EPHA3: variants seen among roughly 807,000 people sequenced by gnomAD.
EPHA3 encodes the protein ephrin type-A receptor 3.
A neutral mutation model predicts 107.1 loss-of-function variants in EPHA3; 42 were observed. The observed-to-expected ratio is 0.39, with a 90% CI of 0.31 to 0.51. The LOEUF is 0.51. EPHA3 is among the 20% of genes least tolerant of loss of function. The pLI is 0.78. For missense variants in EPHA3, 1,183 were observed against 1,211.2 expected, an observed-to-expected ratio of 0.98 and a Z score of 0.35; for synonymous variants, 461 against 424.8, an observed-to-expected ratio of 1.09 and a Z score of -1.05.
In EPHA3 at chr3:89,481,181, AAC is replaced by A. The variant is rs1393994509; in HGVS notation, c.*1683_*1684del. 2 of 232,204 alleles carry A rather than the reference AAC, an allele frequency of 8.6e-6. No homozygotes were observed. The highest frequency in any genetic ancestry group is 4.4e-5 in the African/African-American group (2 of 45,320). The allele number at this position is 232,204 out of a possible 1,614,324, so 14.4% of individuals were successfully genotyped here. A position where few individuals can be genotyped will look rare whatever the true frequency, so the allele number is the denominator to read the frequency against. ...CTTATGCAAAATGGAACGCTAATGA[AAC>A]ACAGCTTACAATCGCAAATCAAAAC... On this transcript the variant is annotated 3_prime_UTR_variant, in exon 17 of 17. Coordinates refer to ENST00000336596, the MANE Select transcript of EPHA3 (RefSeq NM_005233.6).
At chr3:89,121,585 C>G (rs13084503) in intron 1 of EPHA3, among the ~76,000 whole-genome samples, 1 of 151,834 alleles carries the variant, frequency 6.6e-6, no homozygotes, top group African/African-American at 2.4e-5. Context: ...AGTGAAACCC[C>G]GTCTCTACTA....
chr3:89,162,196 A>G (rs1225510528), intron 2 of EPHA3, among the ~76,000 whole-genome samples: 1 of 152,000 alleles, frequency 6.6e-6, no homozygotes, highest in Non-Finnish European at 1.5e-5. Flanking sequence ...TGGGGATAAC[A>G]TGTAGAAAGT....
intron 5 of EPHA3, among the ~76,000 whole-genome samples, chr3:89,344,290 TA>T (rs1415829744): frequency 6.6e-6 from 1 of 152,072 alleles, no homozygotes; most frequent in Admixed American, 6.6e-5. Flanking sequence ...GCCAAGACAT[TA>T]AAAAATAAAT....
chr3:89,248,695 C>T (rs1282309987), intron 3 of EPHA3, among the ~76,000 whole-genome samples: 1 of 152,184 alleles, frequency 6.6e-6, no homozygotes, highest in Non-Finnish European at 1.5e-5. Context: ...GCAGCTTCAT[C>T]ATTGGTGACT....
intron 2 of EPHA3, among the ~76,000 whole-genome samples, chr3:89,153,636 C>T (rs2107050535): frequency 6.6e-6 from 1 of 152,144 alleles, no homozygotes; most frequent in Non-Finnish European, 1.5e-5. Flanking sequence ...ATTTCTTACC[C>T]ACCAGCAATG....
At chr3:89,192,509 A>G (rs1321099605) in intron 2 of EPHA3, among the ~76,000 whole-genome samples, 1 of 152,078 alleles carries the variant, frequency 6.6e-6, no homozygotes, top group Non-Finnish European at 1.5e-5. Context: ...ATATTCATAT[A>G]TGTATACACA....
intron 5 of EPHA3, among the ~76,000 whole-genome samples, chr3:89,382,615 C>G (rs115120327): frequency 0.016 from 2,421 of 151,852 alleles, 65 homozygotes; most frequent in African/African-American, 0.055. Context: ...TGGATGGGAG[C>G]ATTTATTGTG....
chr3:89,250,508 T>C (rs1343496359), intron 3 of EPHA3, among the ~76,000 whole-genome samples: 1 of 152,198 alleles, frequency 6.6e-6, no homozygotes, highest in Non-Finnish European at 1.5e-5. Flanking sequence ...TGTTACTTTC[T>C]TAATTAAGTC....
chr3:89,110,035 C>T (rs532186542), intron 1 of EPHA3, among the ~76,000 whole-genome samples: 7 of 151,972 alleles, frequency 4.6e-5, no homozygotes, highest in Non-Finnish European at 5.9e-5. Context: ...CCAAGATTTC[C>T]GTGCAATTTT....
chr3:89,390,554 C>T (rs1215252558), intron 5 of EPHA3, among the ~76,000 whole-genome samples: 4 of 147,304 alleles, frequency 2.7e-5, no homozygotes, highest in East Asian at 2.1e-4. Context: ...GAGCCAAGAT[C>T]GTGCCACCGC....
intron 3 of EPHA3, among the ~76,000 whole-genome samples, chr3:89,315,854 A>G (rs1576307055): frequency 1.3e-5 from 2 of 151,996 alleles, no homozygotes; most frequent in East Asian, 3.9e-4. Context: ...TTATTCCTTG[A>G]GAATGGAAAG....
chr3:89,275,601 A>G (rs1705785443), intron 3 of EPHA3, among the ~76,000 whole-genome samples: 1 of 152,132 alleles, frequency 6.6e-6, no homozygotes, highest in Admixed American at 6.6e-5. Flanking sequence ...TAACCCATTT[A>G]CAAATGTGCT....
intron 5 of EPHA3, among the ~76,000 whole-genome samples, chr3:89,386,345 C>A (rs536142552): frequency 8.5e-5 from 13 of 152,282 alleles, no homozygotes; most frequent in African/African-American, 3.1e-4. Context: ...CTGTGTGCAG[C>A]ATTGAGACTT....
chr3:89,451,070 T>G (rs976105236), intron 15 of EPHA3, among the ~76,000 whole-genome samples: 1 of 152,198 alleles, frequency 6.6e-6, no homozygotes, highest in African/African-American at 2.4e-5. Context: ...ATTTGTCTAG[T>G]CTATATTGCG....
intron 5 of EPHA3, among the ~76,000 whole-genome samples, chr3:89,388,189 A>G (rs1393145131): frequency 6.6e-6 from 1 of 152,122 alleles, no homozygotes; most frequent in East Asian, 1.9e-4. Context: ...ATCACGGGCT[A>G]AATAGAACTT....
At chr3:89,285,679 A>G (rs1465463105) in intron 3 of EPHA3, among the ~76,000 whole-genome samples, 1 of 152,178 alleles carries the variant, frequency 6.6e-6, no homozygotes, top group African/African-American at 2.4e-5. Flanking sequence ...ACGAATATTA[A>G]TGTTTCCAAA....
chr3:89,306,988 A>G (rs1251164370), intron 3 of EPHA3, among the ~76,000 whole-genome samples: 1 of 152,222 alleles, frequency 6.6e-6, no homozygotes, highest in Non-Finnish European at 1.5e-5. Flanking sequence ...CAAAAATCAG[A>G]CATAAAATTA....
At chr3:89,338,706 G>T (rs1707449361) in intron 3 of EPHA3, among the ~76,000 whole-genome samples, 1 of 152,122 alleles carries the variant, frequency 6.6e-6, no homozygotes, top group Non-Finnish European at 1.5e-5. Context: ...CCACCACTGT[G>T]CCCGGCTAAT....
At chr3:89,451,280 G>A (rs1434015932) in intron 15 of EPHA3, among the ~76,000 whole-genome samples, 1 of 152,090 alleles carries the variant, frequency 6.6e-6, no homozygotes, top group Non-Finnish European at 1.5e-5. Context: ...GTAAATTAAA[G>A]TGTATCTACA....
Sources: allele counts gnomAD v4.1 joint callset (sites outside exome capture counted in the v4.1 genomes callset), GRCh38; gene constraint gnomAD v4.1.1; transcripts MANE v1.5; gene names NCBI Gene and HGNC (gene_info 2026-07-23, HGNC 2026-07-21).